ADRA1A: variants seen among roughly 807,000 people sequenced by gnomAD.
ADRA1A encodes the protein alpha-1A adrenergic receptor.
A neutral mutation model predicts 29.6 loss-of-function variants in ADRA1A; 31 were observed. That is an observed-to-expected ratio of 1.05 (90% CI 0.79 to 1.41). The LOEUF is 1.41. Among genes scored for constraint, ADRA1A ranks in the 40% most tolerant of loss-of-function variants. ADRA1A has a pLI of 0.00. For missense variants in ADRA1A, 619 were observed against 601.1 expected (o/e 1.03, Z -0.31); for synonymous variants, 311 against 254.3 (o/e 1.22, Z -2.12).
At chr8:26,755,090 G>C (rs1805095210), downstream of ADRA1A, among the ~76,000 whole-genome samples, 1 of 152,104 alleles carries the variant, frequency 6.6e-6, no homozygotes. Context: ...CTTTGTATAT[G>C]ATTTGCTTGT....
chr8:26,862,540 G>A (rs1468906993), intron 2 of ADRA1A, among the ~76,000 whole-genome samples: 3 of 152,208 alleles, frequency 2.0e-5, no homozygotes, highest in African/African-American at 7.2e-5. Flanking sequence ...TACTTGTTGA[G>A]CGAGCACACG....
chr8:26,786,744 T>TTG (rs1807417733), intron 2 of ADRA1A, among the ~76,000 whole-genome samples: 1 of 145,500 alleles, frequency 6.9e-6, no homozygotes, highest in Non-Finnish European at 1.5e-5. Context: ...CATGCTGGGT[T>TTG]GGGGGGGGGG....
chr8:26,845,834 A>G (rs1812157319), intron 2 of ADRA1A, among the ~76,000 whole-genome samples: 1 of 152,230 alleles, frequency 6.6e-6, no homozygotes, highest in African/African-American at 2.4e-5. Flanking sequence ...GGTATACACA[A>G]AAGGTCACAT....
chr8:26,847,238 G>A (rs1812275246), intron 2 of ADRA1A, among the ~76,000 whole-genome samples: 1 of 150,558 alleles, frequency 6.6e-6, no homozygotes, highest in Non-Finnish European at 1.5e-5. Flanking sequence ...ATAAAAAAAA[G>A]AAACAAAACA....
At chr8:26,799,466 CT>C (rs1808417002) in intron 2 of ADRA1A, among the ~76,000 whole-genome samples, 1 of 152,224 alleles carries the variant, frequency 6.6e-6, no homozygotes, top group South Asian at 2.1e-4. Context: ...CTCAGTTAAA[CT>C]ACAGCCAAAT....
intron 2 of ADRA1A, among the ~76,000 whole-genome samples, chr8:26,812,622 T>C (rs1809471286): frequency 8.0e-6 from 1 of 125,208 alleles, no homozygotes; most frequent in South Asian, 3.3e-4. Flanking sequence ...GGGAGTTGCC[T>C]TTTTATTTTT....
At chr8:26,754,884 C>T (rs1023615915), downstream of ADRA1A, among the ~76,000 whole-genome samples, 5 of 152,182 alleles carry the variant, frequency 3.3e-5, no homozygotes, top group East Asian at 1.9e-4. Flanking sequence ...CTCTTTCATA[C>T]GCTTCAATGT....
rs897138566 is a variant in ADRA1A at position 26,860,358 on chromosome 8, C to T, written c.883+3729G>A. 2.0e-5 allele frequency among the ~76,000 whole-genome samples: 3 copies of T among 152,134 alleles called. No individual in the cohort carries two copies. The highest frequency in any genetic ancestry group is 4.4e-5 in the Non-Finnish European group (3 of 68,018). On this transcript the variant is annotated intron_variant, in intron 2 of 2. Transcript: ENST00000380573. This position sits in a 1 kb window ranked among gnomAD's most constrained non-coding sequence, Gnocchi z 4.7. ...GGCTGTGGATGCTCCCTAACCTGAC[C>T]GAGTCTGTGTCTCTTCACACACACA...
At chr8:26,820,826 G>A (rs1371326215) in intron 2 of ADRA1A, among the ~76,000 whole-genome samples, 2 of 152,128 alleles carry the variant, frequency 1.3e-5, no homozygotes, top group African/African-American at 4.8e-5. Context: ...TTCATATATG[G>A]TTGTAAGAAA....
chr8:26,867,277 T>A lies in ADRA1A; in HGVS notation c.-1028A>T, dbSNP rs1218613888. 4 of 985,340 alleles carry A rather than the reference T, an allele frequency of 4.1e-6. No homozygotes were observed. The highest frequency in any genetic ancestry group is 4.8e-6 in the Non-Finnish European group (4 of 829,968). 61.0% of individuals were successfully genotyped at this position (985,340 alleles called of 1,614,324 possible). ...ACTTTGCAGCTCTCGCTGACGTAAC[T>A]CAGGCAGTAGCCCAGCTAGTACCGT... On this transcript the variant is annotated 5_prime_UTR_variant, in exon 1 of 3. Transcript: ENST00000380573.
At chr8:26,859,263 AC>A in intron 2 of ADRA1A, 1 of 1,126,930 alleles carries the variant, frequency 8.9e-7, no homozygotes, top group Non-Finnish European at 1.2e-6. Context: ...TGCATGAAAA[AC>A]ATACTTAAGA....
At chr8:26,766,972 C>A (rs1805826299), downstream of ADRA1A, among the ~76,000 whole-genome samples, 3 of 152,032 alleles carry the variant, frequency 2.0e-5, no homozygotes, top group African/African-American at 7.3e-5. Context: ...CAAGCAGAAA[C>A]CCTCTTGGAT....
chr8:26,770,444 C>T lies in ADRA1A; in HGVS notation c.1106G>A (p.Gly369Glu), dbSNP rs150908283. Residue 369 changes from glycine to glutamate, a missense_variant, in exon 3 of 3, where the codon GGG (glycine) becomes GAG (glutamate). Gly to Glu is a moderately conservative substitution (Grantham distance 98). Transcript: ENST00000380573. ...GATGCGCACCATGTCCTTGTGTTGC[C>T]CTTCCACGGCCTGGCTGGGCGGGTG... ...TLHPPSQAVE[G>E]QHKDMVRIPV... is the part of the protein sequence containing the mutation. The T allele has an allele frequency of 6.2e-6, 10 of 1,614,050 alleles. No homozygotes were observed. The highest frequency in any genetic ancestry group is 5.3e-5 in the African/African-American group (4 of 74,936).
chr8:26,762,913 G>A (rs1805584348), downstream of ADRA1A, among the ~76,000 whole-genome samples: 1 of 152,096 alleles, frequency 6.6e-6, no homozygotes, highest in African/African-American at 2.4e-5. The surrounding 1 kb of genome is among the most constrained non-coding windows in gnomAD (Gnocchi z 4.0). Context: ...GAGAGAGGAA[G>A]GAACAAGAGG....
chr8:26,865,297 A>C lies in ADRA1A; in HGVS notation c.-328T>G, dbSNP rs1450595112. The stretch of plus-strand genomic sequence containing the variant: ...CCGAAGCTGGGTGCGAAGATCCAGG[A>C]GACTCCTTGCAACATGCAATTCCAG... On this transcript the variant is annotated 5_prime_UTR_variant, in exon 2 of 3. Transcript: ENST00000380573. The surrounding 1 kb of genome is among the most constrained non-coding windows in gnomAD (Gnocchi z 7.6). 8.3e-7 allele frequency: 1 copy of C among 1,202,958 alleles called. No homozygotes were observed. The highest frequency in any genetic ancestry group is 1.0e-6 in the Non-Finnish European group (1 of 965,610). 74.5% of individuals were successfully genotyped at this position (1,202,958 alleles called of 1,614,324 possible).
chr8:26,828,650 C>T (rs1053805049), intron 2 of ADRA1A, among the ~76,000 whole-genome samples: 4 of 152,146 alleles, frequency 2.6e-5, no homozygotes, highest in African/African-American at 2.4e-5. Context: ...TACTGGCATT[C>T]GCATAATATG....
downstream of ADRA1A, among the ~76,000 whole-genome samples, chr8:26,761,672 T>G (rs1465913325): frequency 1.3e-5 from 2 of 152,230 alleles, no homozygotes; most frequent in Non-Finnish European, 2.9e-5. Context: ...AGGCAATGCA[T>G]TTCTCTTTTT....
At chr8:26,836,781 T>C (rs1319728713) in intron 2 of ADRA1A, among the ~76,000 whole-genome samples, 2 of 152,164 alleles carry the variant, frequency 1.3e-5, no homozygotes, top group Non-Finnish European at 2.9e-5. Flanking sequence ...TTAAACAAAA[T>C]CTCTGCTCAT....
chr8:26,853,174 T>C (rs1435686568), intron 2 of ADRA1A, among the ~76,000 whole-genome samples: 2 of 152,202 alleles, frequency 1.3e-5, no homozygotes, highest in African/African-American at 2.4e-5. Flanking sequence ...TATAGTTTTG[T>C]AAACTCTAGA....
Sources: gnomAD v4.1 joint callset for allele counts (sites outside exome capture counted in the v4.1 genomes callset) on GRCh38, gnomAD v4.1.1 for gene constraint, Gnocchi (gnomAD v3.1) non-coding constraint, MANE v1.5 for transcripts, NCBI Gene and HGNC (gene_info 2026-07-23, HGNC 2026-07-21) for gene names.